The following GSE1 variants were observed in gnomAD, a reference collection of about 807,000 sequenced individuals.
GSE1 encodes the protein genetic suppressor element 1.
In GSE1, 32 loss-of-function variants were observed where a neutral mutation model predicts 112.6. The observed-to-expected ratio is 0.28, with a 90% CI of 0.21 to 0.38. The LOEUF (loss-of-function observed/expected upper bound fraction) is 0.38. GSE1 is among the 10% of genes least tolerant of loss of function. The pLI, the probability that GSE1 is intolerant of heterozygous loss-of-function variation, is 1.00. For missense variants in GSE1, 2,348 were observed against 1,699.2 expected, an observed-to-expected ratio of 1.38 and a Z score of -6.71; for synonymous variants, 1,115 against 735.6, an observed-to-expected ratio of 1.52 and a Z score of -8.35.
intron 1 of GSE1, among the ~76,000 whole-genome samples, chr16:85,238,195 C>G (rs1904857821): frequency 6.6e-6 from 1 of 152,164 alleles, no homozygotes; most frequent in Non-Finnish European, 1.5e-5. Flanking sequence ...TTGATGTTTT[C>G]TCTGCCCAGG....
chr16:85,624,750 C>G (rs538331576), intron 1 of GSE1, among the ~76,000 whole-genome samples: 50 of 152,288 alleles, frequency 3.3e-4, no homozygotes, highest in South Asian at 1.4e-3. Context: ...TGGAGAGAGG[C>G]GCCTGGGCAC....
At chr16:85,290,695 G>A (rs1327164780) in intron 1 of GSE1, among the ~76,000 whole-genome samples, 1 of 152,140 alleles carries the variant, frequency 6.6e-6, no homozygotes, top group African/African-American at 2.4e-5. Flanking sequence ...TCTTCATAGA[G>A]CCTTTGTTGT....
At chr16:85,372,436 G>A (rs1343247235) in intron 2 of GSE1, among the ~76,000 whole-genome samples, 1 of 137,070 alleles carries the variant, frequency 7.3e-6, no homozygotes, top group Non-Finnish European at 1.5e-5. Context: ...CCGAGATCAT[G>A]CACACTGCAC....
chr16:85,174,583 G>C (rs965849323), intron 1 of GSE1, among the ~76,000 whole-genome samples: 5 of 152,238 alleles, frequency 3.3e-5, no homozygotes, highest in Non-Finnish European at 7.3e-5. Flanking sequence ...CTCTGAGCCA[G>C]GCGCGGTTCC....
intron 1 of GSE1, among the ~76,000 whole-genome samples, chr16:85,567,267 T>C (rs2045797737): frequency 1.3e-5 from 2 of 152,122 alleles, no homozygotes; most frequent in Admixed American, 1.3e-4. Flanking sequence ...GAAGACTTCA[T>C]GAGCAAGTGT....
chr16:85,668,924 C>A (rs1416091892), intron 14 of GSE1, among the ~76,000 whole-genome samples: 1 of 152,246 alleles, frequency 6.6e-6, no homozygotes, highest in Non-Finnish European at 1.5e-5. Context: ...AAGACAGGCT[C>A]CTGGTAAAGG....
intron 2 of GSE1, 113 bp downstream of exon 2, chr16:85,634,245 T>C: frequency 1.4e-6 from 1 of 738,260 alleles, no homozygotes; most frequent in East Asian, 3.4e-5. Context: ...TCCCACGCCG[T>C]GTGCTCTGCA....
chr16:85,271,589 C>T (rs1290038703), intron 1 of GSE1, among the ~76,000 whole-genome samples: 2 of 152,240 alleles, frequency 1.3e-5, no homozygotes, highest in Non-Finnish European at 2.9e-5. Context: ...CCCACGCTGG[C>T]TTTCCTGCTG....
chr16:85,480,644 G>A (rs1405933766), intron 2 of GSE1, among the ~76,000 whole-genome samples: 1 of 152,164 alleles, frequency 6.6e-6, no homozygotes. Flanking sequence ...CTGGGAGACA[G>A]AGCAGGGACA....
At chr16:85,340,369 G>A (rs1423969557) in intron 1 of GSE1, among the ~76,000 whole-genome samples, 1 of 152,132 alleles carries the variant, frequency 6.6e-6, no homozygotes, top group Non-Finnish European at 1.5e-5. Context: ...GGCGGGTATG[G>A]TGGCTCATGC....
intron 1 of GSE1, among the ~76,000 whole-genome samples, chr16:85,292,234 G>T (rs1434853075): frequency 6.6e-6 from 1 of 151,892 alleles, no homozygotes; most frequent in African/African-American, 2.4e-5. Context: ...CGCCTCCTGG[G>T]TTAAAGCAAT....
chr16:85,226,414 A>C (rs1362850028), intron 1 of GSE1, among the ~76,000 whole-genome samples: 2 of 152,178 alleles, frequency 1.3e-5, no homozygotes, highest in Non-Finnish European at 2.9e-5. Context: ...ATATTAAGTA[A>C]AGTGATGGTG....
chr16:85,495,776 G>T (rs918420569), intron 2 of GSE1, among the ~76,000 whole-genome samples: 1 of 152,172 alleles, frequency 6.6e-6, no homozygotes. Context: ...GGGATTACAG[G>T]CATGAGCCAC....
intron 1 of GSE1, among the ~76,000 whole-genome samples, chr16:85,328,101 G>A (rs2046262773): frequency 6.6e-6 from 1 of 152,230 alleles, no homozygotes; most frequent in Non-Finnish European, 1.5e-5. Context: ...CATGCAGTAG[G>A]TGCTCAATAA....
intron 1 of GSE1, among the ~76,000 whole-genome samples, chr16:85,214,198 C>A (rs1289801013): frequency 6.6e-6 from 1 of 152,222 alleles, no homozygotes; most frequent in Non-Finnish European, 1.5e-5. Context: ...ACGAGAGCAG[C>A]TCCGGAGGCA....
intron 3 of GSE1, among the ~76,000 whole-genome samples, chr16:85,651,596 G>C (rs867662940): frequency 6.6e-6 from 1 of 152,192 alleles, no homozygotes; most frequent in African/African-American, 2.4e-5. Flanking sequence ...CCCACGGCGC[G>C]GGCAGCATGC....
At chr16:85,219,827 C>T (rs1371409679) in intron 1 of GSE1, among the ~76,000 whole-genome samples, 1 of 152,224 alleles carries the variant, frequency 6.6e-6, no homozygotes, top group African/African-American at 2.4e-5. Flanking sequence ...ATGGGTTCAC[C>T]AAGGGCCCCC....
Position 85,674,686 on chromosome 16 carries a change from A to G in GSE1, c.*2147A>G, listed in dbSNP as rs1488654228. On this transcript the variant is annotated 3_prime_UTR_variant, in exon 16 of 16. Transcript: ENST00000253458. ...ATCCGATAACTTAAAAACGTAGCTC[A>G]TCCCTTACCATCCAAGGGGCACTCC... 1.3e-5 allele frequency: 2 copies of G among 152,220 alleles called. No homozygotes were observed. Among genetic ancestry groups the G allele is most frequent in the East Asian group, 3.8e-4 (2 of 5,198 alleles). 9.4% of individuals were successfully genotyped at this position (152,220 alleles called of 1,614,324 possible). A position where few individuals can be genotyped will look rare whatever the true frequency, so the allele number is the denominator to read the frequency against.
At position 85,275,140 on chromosome 16, in the gene GSE1, G is replaced by T. The variant is rs532180569; in HGVS notation, c.2284-82323G>T. The stretch of plus-strand genomic sequence containing the variant: ...CGCAGACACAGACCTGGGCCTGTGC[G>T]GGCCCCACCCCCAGACAAGGGAAAA... On this transcript the variant is annotated intron_variant, in intron 1 of 2. Coordinates refer to the GSE1 transcript ENST00000637419. 4.6e-5 allele frequency among the ~76,000 whole-genome samples: 7 copies of T among 152,286 alleles called. No individual in the cohort carries two copies. In the South Asian group the frequency reaches 1.2e-3, roughly 27 times the overall value.
Sources: allele counts gnomAD v4.1 joint callset (sites outside exome capture counted in the v4.1 genomes callset), GRCh38; gene constraint gnomAD v4.1.1; transcripts MANE v1.5; gene names NCBI Gene and HGNC (gene_info 2026-07-23, HGNC 2026-07-21).